IPCEF1: variants seen among roughly 807,000 people sequenced by gnomAD.
IPCEF1 encodes the protein interactor protein for cytohesin exchange factors 1.
In IPCEF1, 31 loss-of-function variants were observed where a neutral mutation model predicts 50.9. That is an observed-to-expected ratio of 0.61 (90% CI 0.46 to 0.82). The LOEUF is 0.82. IPCEF1 is among the 40% of genes least tolerant of loss of function. The pLI is 0.00. For synonymous variants in IPCEF1, 181 were observed against 192.0 expected (o/e 0.94, Z 0.47); for missense variants, 458 against 514.0 (o/e 0.89, Z 1.05).
intron 11 of IPCEF1, among the ~76,000 whole-genome samples, chr6:154,162,699 CTCTA>C (rs10606296): frequency 0.41 from 62,189 of 151,478 alleles, 13,115 homozygotes; most frequent in Middle Eastern, 0.51. Context: ...CTGTTCTCTG[CTCTA>C]TCTATGTTCA....
chr6:154,282,590 G>A (rs1287401020), intron 2 of IPCEF1, among the ~76,000 whole-genome samples: 1 of 152,188 alleles, frequency 6.6e-6, no homozygotes, highest in Non-Finnish European at 1.5e-5. Flanking sequence ...GGGAGGCTGA[G>A]GCAGGAGAAT....
At chr6:154,291,605 C>T (rs1782513731) in intron 1 of IPCEF1, among the ~76,000 whole-genome samples, 1 of 151,182 alleles carries the variant, frequency 6.6e-6, no homozygotes, top group Admixed American at 6.6e-5. Context: ...TGGTTCACCC[C>T]TATATACTTC....
At chr6:154,257,823 C>T (rs1781499594) in intron 3 of IPCEF1, among the ~76,000 whole-genome samples, 1 of 152,050 alleles carries the variant, frequency 6.6e-6, no homozygotes, top group South Asian at 2.1e-4. Context: ...CCGCAGCCTT[C>T]CAAGTAGCAA....
chr6:154,341,976 T>C (rs961531283), intron 1 of IPCEF1, among the ~76,000 whole-genome samples: 2 of 152,202 alleles, frequency 1.3e-5, no homozygotes, highest in Non-Finnish European at 2.9e-5. Flanking sequence ...AAACCCCTTA[T>C]GTCAAAGAGG....
intron 1 of IPCEF1, among the ~76,000 whole-genome samples, chr6:154,353,230 G>A (rs181229264): frequency 6.6e-6 from 1 of 150,920 alleles, no homozygotes; most frequent in Non-Finnish European, 1.5e-5. Flanking sequence ...TGCTTTTGTC[G>A]TCCTGTTGGT....
intron 10 of IPCEF1, among the ~76,000 whole-genome samples, chr6:154,189,139 T>C (rs1801638387): frequency 6.6e-6 from 1 of 152,150 alleles, no homozygotes; most frequent in Non-Finnish European, 1.5e-5. Flanking sequence ...AAAAAACACC[T>C]ATAAAGGTAT....
intron 11 of IPCEF1, among the ~76,000 whole-genome samples, chr6:154,167,469 T>TA (rs1249430008): frequency 6.6e-6 from 1 of 152,170 alleles, no homozygotes; most frequent in East Asian, 1.9e-4. Flanking sequence ...AATCAAGACA[T>TA]TTCCTTCTGG....
intron 1 of IPCEF1, among the ~76,000 whole-genome samples, chr6:154,352,224 A>C (rs1784131084): frequency 6.6e-6 from 1 of 152,254 alleles, no homozygotes; most frequent in African/African-American, 2.4e-5. Context: ...TGCAGATCAC[A>C]GTGTCTAGAA....
chr6:154,232,716 T>G (rs921018226), intron 5 of IPCEF1, among the ~76,000 whole-genome samples: 4 of 152,174 alleles, frequency 2.6e-5, no homozygotes, highest in African/African-American at 9.7e-5. Flanking sequence ...AGCCACATAC[T>G]CTGACATCCG....
At chr6:154,333,502 T>C (rs569527697) in intron 1 of IPCEF1, among the ~76,000 whole-genome samples, 6 of 152,110 alleles carry the variant, frequency 3.9e-5, no homozygotes, top group African/African-American at 1.4e-4. Flanking sequence ...GACAGCCTAT[T>C]GTGGGACCTT....
At chr6:154,252,119 T>A (rs899421605) in intron 3 of IPCEF1, among the ~76,000 whole-genome samples, 1 of 152,210 alleles carries the variant, frequency 6.6e-6, no homozygotes, top group African/African-American at 2.4e-5. Flanking sequence ...TGTTGACTTG[T>A]CACTGTATAA....
intron 2 of IPCEF1, among the ~76,000 whole-genome samples, chr6:154,268,494 A>C (rs796644121): frequency 8.5e-5 from 13 of 152,314 alleles, no homozygotes; most frequent in Middle Eastern, 6.8e-3. Context: ...AGTCCAAGCC[A>C]TCAGCACCTC....
At chr6:154,284,961 C>T (rs1562579352) in intron 2 of IPCEF1, among the ~76,000 whole-genome samples, 1 of 152,092 alleles carries the variant, frequency 6.6e-6, no homozygotes, top group Non-Finnish European at 1.5e-5. Flanking sequence ...GATCACGCCA[C>T]TGCACTCCAG....
chr6:154,255,823 C>G (rs1055972875), intron 3 of IPCEF1, among the ~76,000 whole-genome samples: 3 of 152,106 alleles, frequency 2.0e-5, no homozygotes, highest in Admixed American at 1.3e-4. Flanking sequence ...TGAGCTATTG[C>G]AAGAAAGGTA....
rs768091233 is a variant in IPCEF1 at position 154,340,396 on chromosome 6, G to A, written c.-62+16276C>T. On this transcript the variant is annotated intron_variant, in intron 1 of 11. Coordinates refer to ENST00000367220, the MANE Select transcript of IPCEF1 (RefSeq NM_001130700.2). ...CTCCCTAGTAGCTGGGATTACAGGC[G>A]TGCACCACCAATGCCCAGTTAATTT... Among the ~76,000 whole-genome samples the A allele has an allele frequency of 1.5e-3, 229 of 151,766 alleles. 1 individual carries two copies. Among genetic ancestry groups the A allele is most frequent in the Non-Finnish European group, 2.8e-3 (189 of 67,918 alleles).
intron 1 of IPCEF1, among the ~76,000 whole-genome samples, chr6:154,308,125 A>G (rs1002068442): frequency 6.6e-6 from 1 of 152,172 alleles, no homozygotes; most frequent in African/African-American, 2.4e-5. Context: ...GCCAAAAGAT[A>G]TGATTAATTT....
chr6:154,219,989 T>A (rs975983100), intron 7 of IPCEF1, among the ~76,000 whole-genome samples: 4 of 63,756 alleles, frequency 6.3e-5, no homozygotes, highest in African/African-American at 3.4e-4. Context: ...GTAAGGAGTG[T>A]GTGTGTGTGT....
In IPCEF1 at chr6:154,313,067, C is replaced by CAAAAAAAAAAAAAAAA. The variant is rs71021040; in HGVS notation, c.-61-23327_-61-23312dup. Among the ~76,000 whole-genome samples, 125 of 59,010 alleles carry CAAAAAAAAAAAAAAAA rather than the reference C, an allele frequency of 2.1e-3. 23 individuals carry two copies. Among genetic ancestry groups the CAAAAAAAAAAAAAAAA allele is most frequent in the Middle Eastern group, 0.014 (1 of 70 alleles). The allele number at this position is 59,010 out of a possible 152,430, so 38.7% of individuals were successfully genotyped here. A position where few individuals can be genotyped will look rare whatever the true frequency, so the allele number is the denominator to read the frequency against. ...CACTGCAGGCTGTGAGGCCCTGTCT[C>CAAAAAAAAAAAAAAAA]AAAAAAAAAAAAAAAAAAACATGGC... On this transcript the variant is annotated intron_variant, in intron 1 of 11. Transcript: ENST00000367220.
chr6:154,236,079 CAG>C (rs1780106894), intron 5 of IPCEF1, among the ~76,000 whole-genome samples: 2 of 152,176 alleles, frequency 1.3e-5, no homozygotes, highest in African/African-American at 4.8e-5. Context: ...GAATTGAAAG[CAG>C]AGTCTCATCT....
Sources: gnomAD v4.1 joint callset for allele counts (sites outside exome capture counted in the v4.1 genomes callset) on GRCh38, gnomAD v4.1.1 for gene constraint, MANE v1.5 for transcripts, NCBI Gene and HGNC (gene_info 2026-07-23, HGNC 2026-07-21) for gene names.